DBF4B: variants seen among roughly 807,000 people sequenced by gnomAD.
DBF4B encodes the protein protein DBF4 homolog B.
In DBF4B, 49 loss-of-function variants were observed where a neutral mutation model predicts 53.4. The observed-to-expected ratio is 0.92, with a 90% CI of 0.73 to 1.16. The LOEUF (loss-of-function observed/expected upper bound fraction) is 1.16. DBF4B is among the 50% of genes most tolerant of loss of function. DBF4B has a pLI of 0.00. For synonymous variants in DBF4B, 257 were observed against 288.7 expected (o/e 0.89, Z 1.11); for missense variants, 692 against 775.0 (o/e 0.89, Z 1.27).
chr17:44,747,145 A>C lies in DBF4B; in HGVS notation c.893A>C (p.Lys298Thr). 1.2e-6 allele frequency: 2 copies of C among 1,614,226 alleles called. No individual in the cohort carries two copies. The highest frequency in any genetic ancestry group is 1.1e-5 in the South Asian group (1 of 91,082). The change falls in exon 11 of 14, where the codon AAA becomes ACA. Residue 298 changes from lysine (K) to threonine (T), a missense_variant. Around this residue, in one of 3 missense-constraint regions of DBF4B, gnomAD observed 597 missense variants for 665.8 expected, o/e 0.90. Transcript: ENST00000315005. ...GCCCACACCATGCCCAGGAGGAAGA[A>C]AGGCTACTGCGAGTGCTGTCAGGAG... ...SAAHTMPRRK[K>T]GYCECCQEAF... is the part of the protein sequence containing the mutation.
intron 1 of DBF4B, 47 bp downstream of exon 1, chr17:44,708,886 A>G: frequency 6.5e-7 from 1 of 1,548,472 alleles, no homozygotes; most frequent in Non-Finnish European, 8.7e-7. Context: ...GGGGTCGTTA[A>G]TAGCTGAGGC....
At chr17:44,738,706 T>C (rs1322705177) in intron 9 of DBF4B, among the ~76,000 whole-genome samples, 2 of 152,240 alleles carry the variant, frequency 1.3e-5, no homozygotes, top group East Asian at 3.8e-4. Flanking sequence ...CTCTGCTCTA[T>C]GAGCTCATGG....
intron 2 of DBF4B, chr17:44,718,937 GGTGACAGA>G (rs1973580623): frequency 6.6e-6 from 1 of 150,586 alleles, no homozygotes; most frequent in Non-Finnish European, 1.5e-5. Context: ...CTCCAGCCTG[GGTGACAGA>G]GTGAGACTCC....
Position 44,715,812 on chromosome 17 carries a change from C to CTTTTTTTTTTTTTTTTTTTTT in DBF4B, c.82+6454_82+6474dup, listed in dbSNP as rs869200833. On this transcript the variant is annotated intron_variant, in intron 2 of 13. Coordinates refer to ENST00000315005, the MANE Select transcript of DBF4B (RefSeq NM_145663.3). The stretch of plus-strand genomic sequence containing the variant: ...GTTAGCCTAATTTCTTTCTTTCTTT[C>CTTTTTTTTTTTTTTTTTTTTT]TTTTTTTTTTTTTTTTTTTTTTTTT... Among the ~76,000 whole-genome samples, 15 of 55,538 alleles carry CTTTTTTTTTTTTTTTTTTTTT rather than the reference C, an allele frequency of 2.7e-4. 2 individuals are homozygous for CTTTTTTTTTTTTTTTTTTTTT. Among genetic ancestry groups the CTTTTTTTTTTTTTTTTTTTTT allele is most frequent in the East Asian group, 4.6e-4 (1 of 2,172 alleles). 36.4% of individuals were successfully genotyped at this position (55,538 alleles called of 152,430 possible). A position where few individuals can be genotyped will look rare whatever the true frequency, so the allele number is the denominator to read the frequency against.
chr17:44,745,573 A>G (rs1457782641), intron 10 of DBF4B, among the ~76,000 whole-genome samples: 1 of 152,088 alleles, frequency 6.6e-6, no homozygotes, highest in Non-Finnish European at 1.5e-5. Context: ...ATCACATCTC[A>G]TGAGAACTGT....
intron 9 of DBF4B, 91 bp from the exon 10 acceptor site, chr17:44,741,245 C>G (rs1164073301): frequency 1.0e-5 from 9 of 887,784 alleles, no homozygotes; most frequent in Non-Finnish European, 1.5e-5. Flanking sequence ...TCCACTTTAT[C>G]AGGGCTGGAA....
chr17:44,717,540 C>G (rs1222783227), intron 2 of DBF4B, among the ~76,000 whole-genome samples: 2 of 151,756 alleles, frequency 1.3e-5, no homozygotes. Flanking sequence ...AACCCTGTCT[C>G]TACTAAAAAT....
intron 4 of DBF4B, 51 bp from the exon 5 acceptor site, chr17:44,730,914 A>C: frequency 6.3e-7 from 1 of 1,586,370 alleles, no homozygotes; most frequent in Non-Finnish European, 8.6e-7. Flanking sequence ...AACATCTTTC[A>C]GTGCACAGGT....
At chr17:44,747,347 C>A (rs199664162) in intron 11 of DBF4B, 44 bp from the exon 12 acceptor site, 2 of 1,611,532 alleles carry the variant, frequency 1.2e-6, no homozygotes, top group African/African-American at 1.3e-5. Context: ...CCCCCTCCCC[C>A]CAGGCCTCAT....
At position 44,736,880 on chromosome 17, in the gene DBF4B, CT is replaced by C; in HGVS notation, c.667+18del. 1 of 1,613,738 alleles carries C rather than the reference CT, an allele frequency of 6.2e-7. No homozygotes were observed. The highest frequency in any genetic ancestry group is 1.1e-5 in the South Asian group (1 of 91,006). ...GAACACGGAAAGGTCAGTGTGGTAG[CT>C]TTTCCTCATCTAATTGCAATCCCTC... On this transcript the variant is annotated intron_variant, in intron 8 of 13. Coordinates refer to ENST00000315005, the MANE Select transcript of DBF4B (RefSeq NM_145663.3).
intron 8 of DBF4B, 44 bp from the exon 9 acceptor site, chr17:44,738,335 C>T: frequency 6.3e-7 from 1 of 1,598,434 alleles, no homozygotes. Flanking sequence ...AGGCCCTGCA[C>T]AGGGGCAGAC....
chr17:44,724,523 G>A (rs552378730), intron 3 of DBF4B, among the ~76,000 whole-genome samples: 2 of 152,152 alleles, frequency 1.3e-5, no homozygotes, highest in African/African-American at 2.4e-5. Context: ...GACTACAGGC[G>A]CCTATCACCA....
chr17:44,738,309 C>G, intron 8 of DBF4B, 70 bp from the exon 9 acceptor site: 2 of 1,494,838 alleles, frequency 1.3e-6, no homozygotes, highest in Non-Finnish European at 1.8e-6. Context: ...CTCAGCATTT[C>G]CTGCATGTGT....
At chr17:44,750,200 CA>C in intron 13 of DBF4B, 1 of 1,000,724 alleles carries the variant, frequency 1.0e-6, no homozygotes, top group Non-Finnish European at 1.2e-6. Context: ...TTCTGGCAGC[CA>C]AGCCATTAAT....
At chr17:44,740,921 G>A (rs1187289262) in intron 9 of DBF4B, among the ~76,000 whole-genome samples, 2 of 152,110 alleles carry the variant, frequency 1.3e-5, no homozygotes, top group Admixed American at 1.3e-4. Context: ...AGATCACAAG[G>A]TCAGGAGATC....
intron 10 of DBF4B, among the ~76,000 whole-genome samples, chr17:44,743,944 T>C (rs1423669955): frequency 6.6e-6 from 1 of 151,672 alleles, no homozygotes; most frequent in African/African-American, 2.4e-5. Flanking sequence ...GAACGAAGGA[T>C]ACACATGTAC....
chr17:44,748,906 T>G, intron 13 of DBF4B: 1 of 1,290,100 alleles, frequency 7.8e-7, no homozygotes, highest in South Asian at 1.2e-5. Flanking sequence ...GACCTGCCTC[T>G]CTCTCCCAGA....
chr17:44,720,352 TC>T (rs1263977364), intron 2 of DBF4B: 2 of 214,298 alleles, frequency 9.3e-6, no homozygotes, highest in African/African-American at 4.7e-5. Flanking sequence ...AACTTCTTTT[TC>T]TTTTCAACCT....
chr17:44,736,148 A>T (rs1568186144), intron 7 of DBF4B, among the ~76,000 whole-genome samples: 1 of 139,840 alleles, frequency 7.2e-6, no homozygotes, highest in Non-Finnish European at 1.6e-5. Flanking sequence ...TGCCTGGCTA[A>T]TTTTTTTTTT....
Sources: gnomAD v4.1 joint callset for allele counts (sites outside exome capture counted in the v4.1 genomes callset) on GRCh38, gnomAD v4.1.1 for gene constraint, gnomAD v4.1.1 regional missense constraint, MANE v1.5 for transcripts, NCBI Gene and HGNC (gene_info 2026-07-23, HGNC 2026-07-21) for gene names.